The following EBF2 variants were observed in gnomAD, a reference collection of about 807,000 sequenced individuals.
EBF2 encodes the protein EBF transcription factor 2.
Under a neutral mutation model 72.8 loss-of-function variants are expected in EBF2, and 21 were observed. The ratio of observed to expected loss-of-function variants is 0.29; its 90% CI spans 0.20 to 0.42. The LOEUF is 0.42. Among genes scored for constraint, EBF2 ranks in the 10% least tolerant of loss-of-function variants. The pLI is 1.00. For missense variants in EBF2, 637 were observed against 731.2 expected (o/e 0.87, Z 1.49); for synonymous variants, 299 against 274.2 (o/e 1.09, Z -0.89).
chr8:25,858,715 A>C (rs1802149986), intron 13 of EBF2, among the ~76,000 whole-genome samples: 1 of 136,868 alleles, frequency 7.3e-6, no homozygotes, highest in South Asian at 2.4e-4. Context: ...GCTGGAGTAC[A>C]GTGGCACGAT....
chr8:25,904,212 C>A (rs1406200234), intron 7 of EBF2, among the ~76,000 whole-genome samples: 2 of 126,582 alleles, frequency 1.6e-5, no homozygotes, highest in African/African-American at 3.0e-5. Context: ...TAGCTTTTAC[C>A]AGATTCTTAA....
At chr8:25,942,993 T>C (rs1265582130) in intron 6 of EBF2, among the ~76,000 whole-genome samples, 2 of 152,226 alleles carry the variant, frequency 1.3e-5, no homozygotes, top group African/African-American at 2.4e-5. Flanking sequence ...GTGAAACCTA[T>C]GTGAAAACTA....
Position 25,900,980 on chromosome 8 carries a change from T to C in EBF2, c.633+7494A>G, listed in dbSNP as rs141735691. On this transcript the variant is annotated intron_variant, in intron 7 of 15. Transcript: ENST00000520164. ...CAGCTAAAAGAGAGAACTTGCAATA[T>C]TCCCAACGTAGAGAAATGATCAATT... 6.5e-3 allele frequency among the ~76,000 whole-genome samples: 982 copies of C among 152,206 alleles called. 6 individuals carry two copies. Among genetic ancestry groups the C allele is most frequent in the East Asian group, 0.022 (116 of 5,184 alleles).
chr8:25,945,655 A>G (rs1455589379), intron 6 of EBF2, among the ~76,000 whole-genome samples: 1 of 151,390 alleles, frequency 6.6e-6, no homozygotes, highest in Non-Finnish European at 1.5e-5. Flanking sequence ...AGCCTGTGGA[A>G]TTTGTTTCTG....
intron 6 of EBF2, among the ~76,000 whole-genome samples, chr8:26,026,278 A>G (rs1805301281): frequency 6.6e-6 from 1 of 152,132 alleles, no homozygotes; most frequent in African/African-American, 2.4e-5. Context: ...CAGAGAAGAC[A>G]TATATATTAA....
intron 6 of EBF2, among the ~76,000 whole-genome samples, chr8:25,961,652 C>T (rs543588731): frequency 3.3e-5 from 5 of 152,276 alleles, no homozygotes; most frequent in Admixed American, 6.5e-5. Flanking sequence ...TGAACTACCG[C>T]GCCCAGCCCT....
At chr8:25,852,019 C>CAAAAGAAGAGCT (rs1585257400) in intron 14 of EBF2, among the ~76,000 whole-genome samples, 1 of 152,120 alleles carries the variant, frequency 6.6e-6, no homozygotes, top group East Asian at 1.9e-4. Context: ...CCAAAGACTT[C>CAAAAGAAGAGCT]AAAAGAAGAG....
At chr8:25,987,257 TAAATA>T (rs904996757) in intron 6 of EBF2, among the ~76,000 whole-genome samples, 6 of 152,218 alleles carry the variant, frequency 3.9e-5, no homozygotes, top group African/African-American at 1.4e-4. Context: ...GTTTTTATAT[TAAATA>T]AAATAAAACA....
intron 6 of EBF2, among the ~76,000 whole-genome samples, chr8:25,951,766 C>T (rs1041965779): frequency 6.6e-6 from 1 of 152,166 alleles, no homozygotes; most frequent in Non-Finnish European, 1.5e-5. Context: ...AGGCACCAAG[C>T]ATTCCCCCTA....
At chr8:25,884,973 C>A (rs1292680362) in intron 10 of EBF2, among the ~76,000 whole-genome samples, 2 of 152,004 alleles carry the variant, frequency 1.3e-5, no homozygotes, top group East Asian at 1.9e-4. Flanking sequence ...TTATAATATG[C>A]CTGCTATATT....
rs79611525 is a variant in EBF2, at chr8:25,895,073, G to T, written c.634-5204C>A. ...TTAGGAATACAGATGTCCATAATTT[G>T]TGTGGGATGGACCCCCAGTTTCTGC... On this transcript the variant is annotated intron_variant, in intron 7 of 15. Transcript: ENST00000520164. 7.6e-3 allele frequency among the ~76,000 whole-genome samples: 1,164 copies of T among 152,268 alleles called. 14 individuals carry two copies. The highest frequency in any genetic ancestry group is 0.026 in the African/African-American group (1,098 of 41,544).
At chr8:25,977,699 C>T (rs1049744135) in intron 6 of EBF2, among the ~76,000 whole-genome samples, 1 of 152,164 alleles carries the variant, frequency 6.6e-6, no homozygotes, top group African/African-American at 2.4e-5. Context: ...AGGGTTCATT[C>T]CAAGTCAGCT....
intron 10 of EBF2, among the ~76,000 whole-genome samples, chr8:25,880,353 T>C (rs2117283048): frequency 6.6e-6 from 1 of 152,364 alleles, no homozygotes; most frequent in Admixed American, 6.5e-5. Context: ...AAACCTGTAA[T>C]CTTCTGAAAT....
intron 10 of EBF2, among the ~76,000 whole-genome samples, chr8:25,872,336 T>C (rs1476848613): frequency 6.6e-6 from 1 of 152,180 alleles, no homozygotes; most frequent in Non-Finnish European, 1.5e-5. Context: ...GAGTTCTCAA[T>C]TGGCTGCCAC....
At chr8:25,979,001 T>C (rs2117197059) in intron 6 of EBF2, among the ~76,000 whole-genome samples, 1 of 152,270 alleles carries the variant, frequency 6.6e-6, no homozygotes, top group South Asian at 2.1e-4. Flanking sequence ...ACCCTTAATC[T>C]TGTGACACGG....
intron 6 of EBF2, among the ~76,000 whole-genome samples, chr8:25,944,442 T>C (rs1803730799): frequency 6.6e-6 from 1 of 152,116 alleles, no homozygotes; most frequent in South Asian, 2.1e-4. Flanking sequence ...CAGAGGTCAA[T>C]GTATACGGTT....
At chr8:25,977,812 G>A (rs1447394818) in intron 6 of EBF2, among the ~76,000 whole-genome samples, 1 of 152,186 alleles carries the variant, frequency 6.6e-6, no homozygotes, top group Non-Finnish European at 1.5e-5. Context: ...GAAATATAAG[G>A]TGAGTTGGGG....
intron 7 of EBF2, among the ~76,000 whole-genome samples, chr8:25,904,455 G>GA (rs2117309127): frequency 1.3e-5 from 2 of 150,048 alleles, no homozygotes; most frequent in South Asian, 4.3e-4. Flanking sequence ...AAGGAGGGGG[G>GA]AGAGTTTTAT....
chr8:26,011,172 G>T (rs1438170793), intron 6 of EBF2, among the ~76,000 whole-genome samples: 1 of 152,148 alleles, frequency 6.6e-6, no homozygotes, highest in Non-Finnish European at 1.5e-5. Context: ...CCAGTAACTT[G>T]GGGTTGTTCC....
Sources: allele counts gnomAD v4.1 joint callset (sites outside exome capture counted in the v4.1 genomes callset), GRCh38; gene constraint gnomAD v4.1.1; transcripts MANE v1.5; gene names NCBI Gene and HGNC (gene_info 2026-07-23, HGNC 2026-07-21).